The following TOX3 variants were observed in gnomAD, a reference collection of about 807,000 sequenced individuals.
TOX3 encodes TOX high mobility group box family member 3, also known as CAG trinucleotide repeat-containing gene F9 protein.
In TOX3, 22 loss-of-function variants were observed where a neutral mutation model predicts 64.3. The observed-to-expected ratio is 0.34, with a 90% CI of 0.24 to 0.49. The LOEUF (loss-of-function observed/expected upper bound fraction) is 0.49, where lower values mean the gene tolerates loss of function less well. Ranked by LOEUF, TOX3 falls within the 20% of genes least tolerant of loss-of-function variation. The pLI is 0.99. For missense variants in TOX3, 661 were observed against 714.4 expected (o/e 0.93, Z 0.85); for synonymous variants, 291 against 273.6 (o/e 1.06, Z -0.63).
At chr16:52,450,652 A>G in intron 3 of TOX3, 106 bp from the exon 4 acceptor site, 5 of 1,416,356 alleles carry the variant, frequency 3.5e-6, no homozygotes, top group Non-Finnish European at 4.8e-6. Context: ...TGCAATGTTG[A>G]TAGGTCTGAC....
At chr16:52,509,306 C>T (rs1427393310) in intron 1 of TOX3, among the ~76,000 whole-genome samples, 1 of 152,128 alleles carries the variant, frequency 6.6e-6, no homozygotes, top group Admixed American at 6.5e-5. Flanking sequence ...TTTTAGAGAA[C>T]ATAATATAAT....
chr16:52,515,967 T>TTG (rs3086690), intron 1 of TOX3, among the ~76,000 whole-genome samples: 85,421 of 149,632 alleles, frequency 0.57, 25,668 homozygotes, highest in African/African-American at 0.78. Context: ...AAATGTGTGC[T>TTG]TGTGTGTGTG....
At position 52,436,561 on chromosome 16, in the gene TOX3, A is replaced by G. The variant is rs2151734398; in HGVS notation, c.*2664T>C. 6.6e-6 allele frequency among the ~76,000 whole-genome samples: 1 copy of G among 152,324 alleles called. No homozygotes were observed. The highest frequency in any genetic ancestry group is 2.1e-4 in the South Asian group (1 of 4,830). ...TATAACATGCTTTGTGAATCCTGAA[A>G]ACAATAATTTGGTAACAAGGTTGAG... On this transcript the variant is annotated 3_prime_UTR_variant, in exon 7 of 7. Transcript: ENST00000219746.
chr16:52,447,382 T>A (rs1285219439), intron 4 of TOX3, among the ~76,000 whole-genome samples: 1 of 152,206 alleles, frequency 6.6e-6, no homozygotes, highest in African/African-American at 2.4e-5. Context: ...TATTATTTAC[T>A]TTCTAAATGA....
At position 52,452,156 on chromosome 16, in the gene TOX3, G is replaced by GA. The variant is rs962425928; in HGVS notation, c.409-1611dup. Among the ~76,000 whole-genome samples, 245 of 151,328 alleles carry GA rather than the reference G, an allele frequency of 1.6e-3. 1 individual carries two copies. The highest frequency in any genetic ancestry group is 0.01 in the Middle Eastern group (3 of 292). On this transcript the variant is annotated intron_variant, in intron 3 of 6. Transcript: ENST00000219746. ...TACAGGACAGCCTTGTTTTCTTTGGGAAAAAAAAAAGTGTATCCTAACATT... is the reference window on the plus strand; with the variant it reads ...TACAGGACAGCCTTGTTTTCTTTGGGAAAAAAAAAAAGTGTATCCTAACATT...
At chr16:52,545,547 T>C (rs1202647990) in intron 1 of TOX3, among the ~76,000 whole-genome samples, 1 of 152,226 alleles carries the variant, frequency 6.6e-6, no homozygotes, top group East Asian at 1.9e-4. Flanking sequence ...CACCTTTCTT[T>C]CAGCAGGCTC....
At chr16:52,521,173 A>G (rs1405665932) in intron 1 of TOX3, among the ~76,000 whole-genome samples, 1 of 152,204 alleles carries the variant, frequency 6.6e-6, no homozygotes, top group Admixed American at 6.5e-5. Flanking sequence ...GGTGTTAAAG[A>G]CATATTCGCA....
At chr16:52,492,564 A>AATATATAAATATATAT (rs1555484964) in intron 1 of TOX3, among the ~76,000 whole-genome samples, 3 of 90,680 alleles carry the variant, frequency 3.3e-5, no homozygotes, top group Non-Finnish European at 6.2e-5. Flanking sequence ...GTTGTATATA[A>AATATATAAATATATAT]ATATATATAT....
intron 1 of TOX3, among the ~76,000 whole-genome samples, chr16:52,546,058 G>C (rs549765975): frequency 4.6e-5 from 7 of 152,284 alleles, no homozygotes; most frequent in African/African-American, 1.7e-4. Flanking sequence ...CCGGTTCCGA[G>C]GTCCAAAGTG....
At chr16:52,496,649 A>G (rs541939166) in intron 1 of TOX3, among the ~76,000 whole-genome samples, 4 of 152,352 alleles carry the variant, frequency 2.6e-5, no homozygotes, top group African/African-American at 9.6e-5. Context: ...CTATTTGCGT[A>G]TTCCTGAATA....
At chr16:52,536,996 C>T (rs1962964318) in intron 1 of TOX3, among the ~76,000 whole-genome samples, 1 of 151,892 alleles carries the variant, frequency 6.6e-6, no homozygotes, top group South Asian at 2.1e-4. Context: ...AGGGCTAACT[C>T]TCCTTTATCT....
At chr16:52,446,632 G>A (rs1960172133) in intron 4 of TOX3, among the ~76,000 whole-genome samples, 1 of 151,942 alleles carries the variant, frequency 6.6e-6, no homozygotes, top group Admixed American at 6.6e-5. Flanking sequence ...TTTTAAATGA[G>A]GTCCCTAGCC....
rs545660659 is a variant in TOX3, at chr16:52,508,592, A to G, written c.87+38045T>C. On this transcript the variant is annotated intron_variant, in intron 1 of 6. Transcript: ENST00000219746. ...TATAAAGAAACCAGGAATATGTACA[A>G]CTAAGCAATATATTATTAGGGGATA... is the stretch of plus-strand genomic sequence containing the variant. Among the ~76,000 whole-genome samples the G allele has an allele frequency of 2.6e-5, 4 of 152,332 alleles. No individual in the cohort carries two copies. In the East Asian group the frequency reaches 7.7e-4, roughly 29 times the overall value.
intron 1 of TOX3, among the ~76,000 whole-genome samples, chr16:52,492,843 C>T (rs1961732138): frequency 6.7e-6 from 1 of 150,248 alleles, no homozygotes; most frequent in African/African-American, 2.5e-5. Flanking sequence ...TAGATTCTTT[C>T]AACTCCCAAT....
intron 4 of TOX3, among the ~76,000 whole-genome samples, chr16:52,449,278 C>T (rs185671615): frequency 1.4e-4 from 21 of 152,284 alleles, no homozygotes; most frequent in Admixed American, 1.0e-3. Context: ...TAAGCCATTT[C>T]GTTCTTCAAC....
chr16:52,480,399 A>G (rs757205493), intron 1 of TOX3, among the ~76,000 whole-genome samples: 16 of 152,198 alleles, frequency 1.1e-4, no homozygotes, highest in South Asian at 2.1e-4. Context: ...CTGCAATCCA[A>G]TGAAGGACCT....
rs56848244 is a variant in TOX3, at chr16:52,492,564, A to AATATAT, written c.88-23996_88-23991dup. 9.8e-3 allele frequency among the ~76,000 whole-genome samples: 884 copies of AATATAT among 90,652 alleles called. 21 individuals are homozygous for AATATAT. The highest frequency in any genetic ancestry group is 0.027 in the African/African-American group (596 of 22,056). The allele number at this position is 90,652 out of a possible 152,430, so 59.5% of individuals were successfully genotyped here. A position where few individuals can be genotyped will look rare whatever the true frequency, so the allele number is the denominator to read the frequency against. ...CACAACACTATATTAGTTGTATATA[A>AATATAT]ATATATATATATATATATATATATA... is the stretch of plus-strand genomic sequence containing the variant. On this transcript the variant is annotated intron_variant, in intron 1 of 6. Coordinates refer to ENST00000219746, the MANE Select transcript of TOX3 (RefSeq NM_001080430.4).
At chr16:52,447,773 C>T (rs1960205060) in intron 4 of TOX3, among the ~76,000 whole-genome samples, 1 of 152,078 alleles carries the variant, frequency 6.6e-6, no homozygotes, top group Non-Finnish European at 1.5e-5. Flanking sequence ...TCAGTTAGAG[C>T]TTCACCTGGA....
intron 5 of TOX3, 185 bp from the exon 6 acceptor site, chr16:52,444,541 TAAAAC>T (rs1013903498): frequency 5.6e-6 from 2 of 357,386 alleles, no homozygotes; most frequent in African/African-American, 2.8e-5. Flanking sequence ...ACACGGATAT[TAAAAC>T]AAAACAGAAC....
Sources: allele counts gnomAD v4.1 joint callset (sites outside exome capture counted in the v4.1 genomes callset), GRCh38; gene constraint gnomAD v4.1.1; transcripts MANE v1.5; gene names NCBI Gene and HGNC (gene_info 2026-07-23, HGNC 2026-07-21).